The following RANBP2 variants were observed in gnomAD, a reference collection of about 807,000 sequenced individuals.
The protein encoded by RANBP2 is RAN binding protein 2.
RANBP2 carries 57 observed loss-of-function variants against 303.6 expected under a neutral mutation model. The observed-to-expected ratio is 0.19, with a 90% CI of 0.15 to 0.23. The LOEUF (loss-of-function observed/expected upper bound fraction) is 0.23, where lower values mean the gene tolerates loss of function less well. RANBP2 is among the 10% of genes least tolerant of loss of function. The pLI, the probability that RANBP2 is intolerant of heterozygous loss-of-function variation, is 1.00. For synonymous variants in RANBP2, 1,167 were observed against 1,301.5 expected, an observed-to-expected ratio of 0.90 and a Z score of 2.23; for missense variants, 3,138 against 3,780.8, an observed-to-expected ratio of 0.83 and a Z score of 4.46.
At chr2:109,117,397 T>C in the RANBP2 span, among the ~76,000 whole-genome samples, 2 of 152,232 alleles carry the variant, frequency 1.3e-5, no homozygotes, top group Non-Finnish European at 2.9e-5. Context: ...ACAGCTGTGC[T>C]AGCAATCAGC....
At chr2:109,199,613 G>GTTCC in the RANBP2 span, among the ~76,000 whole-genome samples, 10 of 280 alleles carry the variant, frequency 0.036, no homozygotes, top group Non-Finnish European at 0.048. Context: ...GGAATGGAAT[G>GTTCC]GAATGGAATG....
chr2:108,986,451 TG>T, the RANBP2 span, among the ~76,000 whole-genome samples: 25 of 152,124 alleles, frequency 1.6e-4, no homozygotes, highest in African/African-American at 6.0e-4. Flanking sequence ...CATCTCCTTG[TG>T]GGGGCAAATG....
the RANBP2 span, among the ~76,000 whole-genome samples, chr2:109,232,006 T>C: frequency 1.1e-3 from 169 of 152,354 alleles, no homozygotes; most frequent in African/African-American, 2.7e-3. Flanking sequence ...TGTGTATGAA[T>C]CTGCCACGTT....
chr2:108,992,765 C>G, the RANBP2 span, among the ~76,000 whole-genome samples: 1 of 152,172 alleles, frequency 6.6e-6, no homozygotes, highest in Non-Finnish European at 1.5e-5. Flanking sequence ...GTAGAGTTTG[C>G]AGCTTCAAAT....
the RANBP2 span, among the ~76,000 whole-genome samples, chr2:109,090,757 C>T: frequency 1.3e-4 from 19 of 151,962 alleles, no homozygotes; most frequent in Admixed American, 5.2e-4. Flanking sequence ...CTTAGCTAAG[C>T]GTAGAACTAT....
chr2:109,012,839 G>C, the RANBP2 span, among the ~76,000 whole-genome samples: 1 of 152,138 alleles, frequency 6.6e-6, no homozygotes, highest in Non-Finnish European at 1.5e-5. Context: ...GCGTGGACCT[G>C]GGAGGCGGAG....
chr2:109,128,835 G>C, the RANBP2 span: 1 of 242,286 alleles, frequency 4.1e-6, no homozygotes, highest in South Asian at 3.5e-5. Flanking sequence ...GGCCAAGCCT[G>C]CGCAGGAGAG....
At chr2:109,241,220 G>A in the RANBP2 span, among the ~76,000 whole-genome samples, 4 of 149,582 alleles carry the variant, frequency 2.7e-5, no homozygotes, top group African/African-American at 1.0e-4. Flanking sequence ...AAAGCAGTTT[G>A]TTTGTCTCTT....
the RANBP2 span, among the ~76,000 whole-genome samples, chr2:109,251,266 G>T: frequency 1.3e-5 from 2 of 152,300 alleles, no homozygotes; most frequent in South Asian, 2.1e-4. Context: ...GCCTCCCAAA[G>T]TGCTGGGATT....
the RANBP2 span, among the ~76,000 whole-genome samples, chr2:108,888,685 T>TTGG: frequency 6.6e-6 from 1 of 152,060 alleles, no homozygotes; most frequent in Admixed American, 6.5e-5. Context: ...CTGATTTTAT[T>TTGG]TGGGTCTTCT....
At chr2:109,383,576 C>T in the RANBP2 span, among the ~76,000 whole-genome samples, 1,512 of 152,246 alleles carry the variant, frequency 9.9e-3, 27 homozygotes, top group African/African-American at 0.034. Context: ...GTTTAAGATT[C>T]GGGTCCGGGA....
At chr2:109,375,179 C>G in the RANBP2 span, among the ~76,000 whole-genome samples, 17 of 152,272 alleles carry the variant, frequency 1.1e-4, no homozygotes, top group Non-Finnish European at 2.4e-4. Context: ...GGCACTGACC[C>G]CATCTGTGCT....
the RANBP2 span, among the ~76,000 whole-genome samples, chr2:109,163,505 T>G: frequency 7.6e-4 from 107 of 141,112 alleles, 1 homozygote; most frequent in Non-Finnish European, 1.4e-3. Context: ...TTCACGCCAT[T>G]CTCCTGCCTC....
the RANBP2 span, among the ~76,000 whole-genome samples, chr2:109,078,100 A>ATATATATATAGCG: frequency 1.4e-5 from 1 of 70,006 alleles, no homozygotes; most frequent in African/African-American, 5.0e-5. Flanking sequence ...ATATATATAT[A>ATATATATATAGCG]TATATATATA....
chr2:109,110,218 G>T, the RANBP2 span, among the ~76,000 whole-genome samples: 2 of 152,170 alleles, frequency 1.3e-5, no homozygotes, highest in East Asian at 1.9e-4. Flanking sequence ...TATCCTGCTG[G>T]GGTCTTTAGT....
the RANBP2 span, among the ~76,000 whole-genome samples, chr2:109,553,858 A>C: frequency 6.6e-6 from 1 of 152,122 alleles, no homozygotes; most frequent in Non-Finnish European, 1.5e-5. Flanking sequence ...TGTCTCAAAA[A>C]AAAAAAAAAA....
the RANBP2 span, among the ~76,000 whole-genome samples, chr2:109,371,876 A>C: frequency 6.6e-6 from 1 of 152,166 alleles, no homozygotes; most frequent in African/African-American, 2.4e-5. Context: ...TGCCTTGGCC[A>C]GTTTTGAGTG....
At chr2:108,992,973 C>A in the RANBP2 span, among the ~76,000 whole-genome samples, 1 of 152,046 alleles carries the variant, frequency 6.6e-6, no homozygotes, top group African/African-American at 2.4e-5. Flanking sequence ...TCAGAGCACC[C>A]GCTACTCATG....
the RANBP2 span, among the ~76,000 whole-genome samples, chr2:108,955,699 C>A: frequency 2.6e-5 from 4 of 151,934 alleles, no homozygotes; most frequent in African/African-American, 4.8e-5. Flanking sequence ...GAGTGAGACT[C>A]TGTCTCAAAA....
Sources: gnomAD v4.1 joint callset for allele counts (sites outside exome capture counted in the v4.1 genomes callset) on GRCh38, gnomAD v4.1.1 for gene constraint, MANE v1.5 for transcripts, NCBI Gene and HGNC (gene_info 2026-07-23, HGNC 2026-07-21) for gene names.